Variants in NREP observed in about 807,000 individuals in gnomAD.
The protein encoded by NREP is neuronal regeneration related protein.
NREP carries 5 observed loss-of-function variants against 8.6 expected under a neutral mutation model. The ratio of observed to expected loss-of-function variants is 0.58; its 90% CI spans 0.30 to 1.22. The LOEUF is 1.22. Among genes scored for constraint, NREP ranks in the 50% most tolerant of loss-of-function variants. NREP has a pLI of 0.07. For missense variants in NREP, 86 were observed against 82.5 expected, an observed-to-expected ratio of 1.04 and a Z score of -0.17; for synonymous variants, 27 against 28.0, an observed-to-expected ratio of 0.96 and a Z score of 0.11.
chr5:111,773,632 C>T lies in NREP; in HGVS notation c.136-38125G>A, dbSNP rs185154991. Among the ~76,000 whole-genome samples the T allele has an allele frequency of 7.2e-4, 109 of 152,228 alleles. 1 individual carries two copies. The highest frequency in any genetic ancestry group is 2.5e-3 in the African/African-American group (102 of 41,546). On this transcript the variant is annotated intron_variant, in intron 2 of 3. Coordinates refer to the NREP transcript ENST00000395634. Reference sequence around the variant, plus strand: ...TGGTACATTATAATCAAAATTTTCACGCAAAAATGTCTCTATATTATCTAC... The same window carrying T: ...TGGTACATTATAATCAAAATTTTCATGCAAAAATGTCTCTATATTATCTAC...
chr5:111,784,220 G>T (rs1751558382), intron 2 of NREP, among the ~76,000 whole-genome samples: 1 of 152,056 alleles, frequency 6.6e-6, no homozygotes, highest in Non-Finnish European at 1.5e-5. Context: ...AAGGATATTG[G>T]ATTTTTTTTT....
At chr5:111,812,027 C>T (rs1044400290) in intron 2 of NREP, among the ~76,000 whole-genome samples, 2 of 152,142 alleles carry the variant, frequency 1.3e-5, no homozygotes, top group African/African-American at 4.8e-5. Flanking sequence ...GTGGTTCACG[C>T]CTGTAATCGC....
chr5:111,903,796 A>G (rs1396037894), intron 2 of NREP, among the ~76,000 whole-genome samples: 1 of 152,088 alleles, frequency 6.6e-6, no homozygotes, highest in African/African-American at 2.4e-5. Context: ...TCTTCTCTAG[A>G]TTTTCCAGCC....
intron 2 of NREP, among the ~76,000 whole-genome samples, chr5:111,849,137 C>T (rs1223192045): frequency 6.6e-6 from 1 of 152,122 alleles, no homozygotes; most frequent in Non-Finnish European, 1.5e-5. Flanking sequence ...CAGGGAGCTT[C>T]TGGAACACAC....
intron 2 of NREP, among the ~76,000 whole-genome samples, chr5:111,779,522 TC>T (rs746079728): frequency 1.5e-4 from 23 of 152,212 alleles, no homozygotes; most frequent in Non-Finnish European, 2.8e-4. Flanking sequence ...ACATGTGCCC[TC>T]CCATTCACTG....
chr5:111,880,472 G>A (rs1462334088), intron 2 of NREP, among the ~76,000 whole-genome samples: 2 of 152,106 alleles, frequency 1.3e-5, no homozygotes, highest in Non-Finnish European at 2.9e-5. Context: ...AGATGGCATG[G>A]CTACTTCTCA....
intron 2 of NREP, among the ~76,000 whole-genome samples, chr5:111,925,652 G>T (rs190027332): frequency 1.3e-5 from 2 of 152,176 alleles, no homozygotes; most frequent in Admixed American, 6.5e-5. Flanking sequence ...AGGAGACAGG[G>T]AAGTATGTTT....
rs564315659 is a variant in NREP at position 111,931,892 on chromosome 5, T to C, written c.135+43382A>G. Among the ~76,000 whole-genome samples, 3 of 152,126 alleles carry C rather than the reference T, an allele frequency of 2.0e-5. No individual in the cohort carries two copies. The East Asian group carries it at 5.8e-4, about 30-fold the overall frequency. ...GGCCTTCCGAAAAAGGAGACAACAGTTGTTCCAGGGCATTACTTTCACAAC... is the reference window on the plus strand; with the variant it reads ...GGCCTTCCGAAAAAGGAGACAACAGCTGTTCCAGGGCATTACTTTCACAAC... On this transcript the variant is annotated intron_variant, in intron 2 of 3. Coordinates refer to the NREP transcript ENST00000395634.
In NREP at chr5:111,897,318, A is replaced by G. The variant is rs62370261; in HGVS notation, c.135+77956T>C. Among the ~76,000 whole-genome samples, 818 of 152,306 alleles carry G rather than the reference A, an allele frequency of 5.4e-3. 5 individuals carry two copies. The highest frequency in any genetic ancestry group is 8.7e-3 in the Non-Finnish European group (591 of 68,016). The stretch of plus-strand genomic sequence containing the variant: ...CTGGAACACAAGTACTTTAAAAACT[A>G]ATCCAGCACTGAAAGAATAGACAAC... On this transcript the variant is annotated intron_variant, in intron 2 of 3. Coordinates refer to the NREP transcript ENST00000395634.
At chr5:111,911,593 G>T (rs1157481412) in intron 2 of NREP, among the ~76,000 whole-genome samples, 1 of 152,004 alleles carries the variant, frequency 6.6e-6, no homozygotes, top group African/African-American at 2.4e-5. Flanking sequence ...CAAGAGCACA[G>T]ATGTCATAAA....
intron 2 of NREP, among the ~76,000 whole-genome samples, chr5:111,928,812 A>G (rs1755461003): frequency 1.3e-5 from 2 of 152,164 alleles, no homozygotes; most frequent in Admixed American, 1.3e-4. Flanking sequence ...CCAATTTAGG[A>G]AAGAATACAT....
chr5:111,916,571 G>T (rs750057857), intron 2 of NREP, among the ~76,000 whole-genome samples: 8 of 152,118 alleles, frequency 5.3e-5, no homozygotes, highest in African/African-American at 7.2e-5. Context: ...GGGCCTTTGC[G>T]TGGTGACTAA....
At chr5:111,864,974 ATAAAG>A (rs978533597) in intron 2 of NREP, among the ~76,000 whole-genome samples, 2 of 152,172 alleles carry the variant, frequency 1.3e-5, no homozygotes, top group Non-Finnish European at 2.9e-5. Context: ...GGGGAAGTTG[ATAAAG>A]TAAACTTTTT....
At chr5:111,951,893 A>G (rs1259719190) in intron 2 of NREP, among the ~76,000 whole-genome samples, 16 of 152,042 alleles carry the variant, frequency 1.1e-4, no homozygotes, top group Admixed American at 5.2e-4. Flanking sequence ...TAATAGAGCA[A>G]TCATATAACT....
intron 2 of NREP, among the ~76,000 whole-genome samples, chr5:111,933,541 G>A (rs186082189): frequency 6.6e-6 from 1 of 152,076 alleles, no homozygotes; most frequent in East Asian, 1.9e-4. Context: ...CCCCTTTATT[G>A]AGAGACAGAG....
intron 2 of NREP, among the ~76,000 whole-genome samples, chr5:111,770,159 C>T (rs908595656): frequency 2.0e-5 from 3 of 152,162 alleles, no homozygotes; most frequent in African/African-American, 7.2e-5. Flanking sequence ...TATCACCAGA[C>T]TTCAGGAATA....
chr5:111,940,504 A>T (rs966785088), intron 2 of NREP, among the ~76,000 whole-genome samples: 2 of 152,014 alleles, frequency 1.3e-5, no homozygotes, highest in African/African-American at 4.8e-5. Flanking sequence ...GTAGACACAT[A>T]TCTCCCATCC....
chr5:111,969,393 C>A (rs1357087166), intron 2 of NREP: 2 of 152,192 alleles, frequency 1.3e-5, no homozygotes, highest in Admixed American at 1.3e-4. Context: ...AGATTTCATA[C>A]ACTTGCAAGC....
intron 2 of NREP, among the ~76,000 whole-genome samples, chr5:111,753,255 C>T (rs1045118368): frequency 6.6e-5 from 10 of 150,678 alleles, no homozygotes; most frequent in Non-Finnish European, 1.0e-4. Flanking sequence ...AATAGCACTC[C>T]GTGCAGTGGC....
Sources: gnomAD v4.1 joint callset for allele counts (sites outside exome capture counted in the v4.1 genomes callset) on GRCh38, gnomAD v4.1.1 for gene constraint, MANE v1.5 for transcripts, NCBI Gene and HGNC (gene_info 2026-07-23, HGNC 2026-07-21) for gene names.